Variants in OTULINL observed in about 807,000 individuals in gnomAD.
OTULINL encodes OTU deubiquitinase with linear linkage specificity like.
OTULINL carries 42 observed loss-of-function variants against 43.9 expected under a neutral mutation model. The ratio of observed to expected loss-of-function variants is 0.96; its 90% CI spans 0.75 to 1.24. The LOEUF is 1.24. Among genes scored for constraint, OTULINL ranks in the 50% most tolerant of loss-of-function variants. OTULINL has a pLI of 0.00. For synonymous variants in OTULINL, 172 were observed against 153.6 expected (o/e 1.12, Z -0.88); for missense variants, 411 against 426.4 (o/e 0.96, Z 0.32).
chr5:14,587,910 C>A (rs1759134687), intron 1 of OTULINL, among the ~76,000 whole-genome samples: 1 of 152,102 alleles, frequency 6.6e-6, no homozygotes, highest in Admixed American at 6.5e-5. Flanking sequence ...CTTTCCCTCC[C>A]AGTCTCCTTG....
intron 1 of OTULINL, among the ~76,000 whole-genome samples, chr5:14,597,182 G>T (rs1321169981): frequency 1.3e-5 from 2 of 152,102 alleles, no homozygotes; most frequent in Non-Finnish European, 2.9e-5. Context: ...GTGTTTATTG[G>T]GTACTTATGG....
At position 14,608,993 on chromosome 5, in the gene OTULINL, A is replaced by C. The variant is rs1440572509; in HGVS notation, c.873A>C (p.Val291=). ...TCATGATGAATCACCTGAATTCTGT[A>C]GGCGACACATGTGGACTAGAGCAGG... ...LSFMMNHLNS[V]GDTCGLEQID... is the part of the protein sequence containing the mutation. Residue 291 remains valine, a synonymous_variant, in exon 7 of 8, where the codon GTA becomes GTC. Coordinates refer to ENST00000274217, the MANE Select transcript of OTULINL (RefSeq NM_019018.3). 6.2e-7 allele frequency: 1 copy of C among 1,613,606 alleles called. No homozygotes were observed. The highest frequency in any genetic ancestry group is 1.1e-5 in the South Asian group (1 of 91,034).
chr5:14,598,129 G>A (rs1579921417), intron 1 of OTULINL, among the ~76,000 whole-genome samples: 1 of 152,190 alleles, frequency 6.6e-6, no homozygotes, highest in East Asian at 1.9e-4. Flanking sequence ...CAACTAGTAG[G>A]TTCCTGGGTT....
chr5:14,610,308 C>T lies in OTULINL; in HGVS notation c.1065C>T (p.Val355=). The T allele has an allele frequency of 1.2e-6, 2 of 1,612,580 alleles. No individual in the cohort carries two copies. The highest frequency in any genetic ancestry group is 1.7e-6 in the Non-Finnish European group (2 of 1,179,968). The change falls in exon 8 of 8, where the codon GTC becomes GTT. Residue 355 remains valine (V), a synonymous_variant. Coordinates refer to ENST00000274217, the MANE Select transcript of OTULINL (RefSeq NM_019018.3). ...TENDRHYHIP[V]F ...ACGACCGCCACTACCACATTCCAGT[C>T]TTTTAAGTCCGCTGGGGGCCGAACA...
In OTULINL at chr5:14,609,818, G is replaced by T. The variant is rs556334443; in HGVS notation, c.898-323G>T. ...GCTAATTTTTTGTATTTTTAGTAGA[G>T]ACGGGGTTTCACCGTGTTTTCGATC... On this transcript the variant is annotated intron_variant, in intron 7 of 7. Coordinates refer to ENST00000274217, the MANE Select transcript of OTULINL (RefSeq NM_019018.3). 2.6e-5 allele frequency among the ~76,000 whole-genome samples: 4 copies of T among 152,280 alleles called. No individual in the cohort carries two copies. In the South Asian group the frequency reaches 8.3e-4, roughly 32 times the overall value.
At chr5:14,605,955 G>A (rs1759467927) in intron 5 of OTULINL, among the ~76,000 whole-genome samples, 1 of 152,116 alleles carries the variant, frequency 6.6e-6, no homozygotes, top group African/African-American at 2.4e-5. Flanking sequence ...TCCAACCTCT[G>A]CTTGTTACCC....
chr5:14,601,621 T>C (rs899000802), intron 4 of OTULINL, among the ~76,000 whole-genome samples, 179 bp downstream of exon 4: 1 of 152,248 alleles, frequency 6.6e-6, no homozygotes, highest in African/African-American at 2.4e-5. Flanking sequence ...TTTGGGCTTT[T>C]ACCTGGAGCT....
At position 14,611,637 on chromosome 5, in the gene OTULINL, A is replaced by T; in HGVS notation, c.*1323A>T. 1 of 152,222 alleles carries T rather than the reference A, an allele frequency of 6.6e-6. No homozygotes were observed. The highest frequency in any genetic ancestry group is 1.9e-4 in the East Asian group (1 of 5,204). The allele number at this position is 152,222 out of a possible 1,614,324, so 9.4% of individuals were successfully genotyped here. A position where few individuals can be genotyped will look rare whatever the true frequency, so the allele number is the denominator to read the frequency against. ...GTGGTAATGTGTTGTAGCAACAGAA[A>T]ACTAGTATTCTCAGGCTAGTTTTTG... On this transcript the variant is annotated 3_prime_UTR_variant, in exon 8 of 8. Coordinates refer to ENST00000274217, the MANE Select transcript of OTULINL (RefSeq NM_019018.3).
intron 5 of OTULINL, among the ~76,000 whole-genome samples, chr5:14,602,886 C>A (rs965958684): frequency 6.6e-6 from 1 of 152,180 alleles, no homozygotes; most frequent in African/African-American, 2.4e-5. Context: ...GTAAGGTGAT[C>A]AAGCAAAATT....
intron 1 of OTULINL, among the ~76,000 whole-genome samples, chr5:14,583,536 A>G (rs1190062205): frequency 1.3e-5 from 2 of 152,218 alleles, no homozygotes; most frequent in East Asian, 3.9e-4. Context: ...CAGGCTTAAC[A>G]TCATCACCCG....
At chr5:14,585,973 G>T (rs1487731366) in intron 1 of OTULINL, among the ~76,000 whole-genome samples, 1 of 152,346 alleles carries the variant, frequency 6.6e-6, no homozygotes, top group East Asian at 1.9e-4. Flanking sequence ...AACTCTTGCA[G>T]GTCTGGGTAC....
At chr5:14,598,576 T>C (rs773646576) in intron 1 of OTULINL, among the ~76,000 whole-genome samples, 1 of 152,192 alleles carries the variant, frequency 6.6e-6, no homozygotes, top group African/African-American at 2.4e-5. Flanking sequence ...AAATGGGAAA[T>C]GATCCAAGTG....
chr5:14,612,158 G>T lies in OTULINL; in HGVS notation c.*1844G>T, dbSNP rs1759593247. 6.6e-6 allele frequency: 1 copy of T among 152,202 alleles called. No individual in the cohort carries two copies. Among genetic ancestry groups the T allele is most frequent in the Non-Finnish European group, 1.5e-5 (1 of 68,032 alleles). 9.4% of individuals were successfully genotyped at this position (152,202 alleles called of 1,614,324 possible). ...GTGTTAGAAGATATCCCCCTGATGT[G>T]TTACTGTAACCAAGAAAGCATGAAC... On this transcript the variant is annotated 3_prime_UTR_variant, in exon 8 of 8. Transcript: ENST00000274217.
In OTULINL at chr5:14,588,437, C is replaced by T. The variant is rs188061750; in HGVS notation, c.64+6479C>T. Among the ~76,000 whole-genome samples the T allele has an allele frequency of 5.3e-4, 81 of 152,238 alleles. 1 individual carries two copies. In the East Asian group the frequency reaches 0.014, roughly 26 times the overall value. On this transcript the variant is annotated intron_variant, in intron 1 of 7. Coordinates refer to ENST00000274217, the MANE Select transcript of OTULINL (RefSeq NM_019018.3). Reference sequence around the variant, plus strand: ...ACCATCCTACTAGATGACCACTTCACATTCTCACTTCCTGCTTTATATTTA... The same window carrying T: ...ACCATCCTACTAGATGACCACTTCATATTCTCACTTCCTGCTTTATATTTA...
rs1759645054 is a variant in OTULINL, at chr5:14,614,854, C to T, written c.*4540C>T. 5 of 397,696 alleles carry T rather than the reference C, an allele frequency of 1.3e-5. No homozygotes were observed. The highest frequency in any genetic ancestry group is 3.6e-5 in the East Asian group (1 of 28,068). 24.6% of individuals were successfully genotyped at this position (397,696 alleles called of 1,614,324 possible). A position where few individuals can be genotyped will look rare whatever the true frequency, so the allele number is the denominator to read the frequency against. On this transcript the variant is annotated 3_prime_UTR_variant, in exon 8 of 8. Coordinates refer to ENST00000274217, the MANE Select transcript of OTULINL (RefSeq NM_019018.3). The stretch of plus-strand genomic sequence containing the variant: ...AAATCAAATTTCTGTATGTAATTGA[C>T]GTATTGGTCCTTATAGTCAGTACCA...
chr5:14,598,581 C>G lies in OTULINL; in HGVS notation c.65-2384C>G, dbSNP rs551562536. Among the ~76,000 whole-genome samples, 6 of 152,158 alleles carry G rather than the reference C, an allele frequency of 3.9e-5. No individual in the cohort carries two copies. In the South Asian group the frequency reaches 1.2e-3, roughly 32 times the overall value. ...TAAAAGTGAGAAATGGGAAATGATC[C>G]AAGTGTTTATCAATAAGGCAGTGTT... On this transcript the variant is annotated intron_variant, in intron 1 of 7. Transcript: ENST00000274217.
rs1172177279 is a variant in OTULINL, at chr5:14,612,151, CT to C, written c.*1838del. The C allele has an allele frequency of 6.6e-6, 1 of 152,224 alleles. No individual in the cohort carries two copies. The highest frequency in any genetic ancestry group is 1.5e-5 in the Non-Finnish European group (1 of 68,056). 9.4% of individuals were successfully genotyped at this position (152,224 alleles called of 1,614,324 possible). A position where few individuals can be genotyped will look rare whatever the true frequency, so the allele number is the denominator to read the frequency against. On this transcript the variant is annotated 3_prime_UTR_variant, in exon 8 of 8. Coordinates refer to ENST00000274217, the MANE Select transcript of OTULINL (RefSeq NM_019018.3). ...ACTGACAGTGTTAGAAGATATCCCC[CT>C]GATGTGTTACTGTAACCAAGAAAGC...
chr5:14,600,894 T>TC, intron 1 of OTULINL, 71 bp from the exon 2 acceptor site: 2 of 1,293,894 alleles, frequency 1.5e-6, no homozygotes, highest in Non-Finnish European at 2.0e-6. Context: ...TCTCTGCATT[T>TC]TTTTTCTCTT....
At chr5:14,607,249 T>C in intron 5 of OTULINL, 81 bp from the exon 6 acceptor site, 1 of 1,391,368 alleles carries the variant, frequency 7.2e-7, no homozygotes, top group African/African-American at 1.5e-5. Context: ...AAAGATAAGG[T>C]TGTGTGCTGT....
Sources: allele counts gnomAD v4.1 joint callset (sites outside exome capture counted in the v4.1 genomes callset), GRCh38; gene constraint gnomAD v4.1.1; transcripts MANE v1.5; gene names NCBI Gene and HGNC (gene_info 2026-07-23, HGNC 2026-07-21).